Variants in VPS8 observed in about 807,000 individuals in gnomAD.
VPS8 encodes vacuolar protein sorting-associated protein 8 homolog.
In VPS8, 129 loss-of-function variants were observed where a neutral mutation model predicts 216.4. The observed-to-expected ratio is 0.60, with a 90% CI of 0.52 to 0.69. The LOEUF (loss-of-function observed/expected upper bound fraction) is 0.69. Among genes scored for constraint, VPS8 ranks in the 30% least tolerant of loss-of-function variants. The pLI is 0.00. For missense variants in VPS8, 1,531 were observed against 1,683.5 expected (o/e 0.91, Z 1.59); for synonymous variants, 571 against 565.4 (o/e 1.01, Z -0.14).
chr3:185,030,931 T>G (rs1758030446), intron 46 of VPS8, among the ~76,000 whole-genome samples: 1 of 149,410 alleles, frequency 6.7e-6, no homozygotes, highest in Non-Finnish European at 1.5e-5. Context: ...CCTGGCTGAT[T>G]TTTTTTTTTG....
intron 45 of VPS8, among the ~76,000 whole-genome samples, chr3:185,007,231 G>T (rs1449023043): frequency 6.6e-6 from 1 of 152,158 alleles, no homozygotes; most frequent in Admixed American, 6.5e-5. Context: ...AATAGGCCTT[G>T]TAACTCTATC....
intron 25 of VPS8, among the ~76,000 whole-genome samples, chr3:184,903,428 T>C (rs1734926021): frequency 6.6e-6 from 1 of 152,208 alleles, no homozygotes; most frequent in African/African-American, 2.4e-5. Context: ...GAATGTGGTA[T>C]GTTTTTCTAT....
intron 2 of VPS8, among the ~76,000 whole-genome samples, chr3:184,825,308 G>A (rs889105277): frequency 6.6e-6 from 1 of 152,192 alleles, no homozygotes; most frequent in South Asian, 2.1e-4. Context: ...ACACTGGCAT[G>A]CAGCTATGTA....
chr3:184,882,608 T>C (rs1410784023), intron 21 of VPS8, among the ~76,000 whole-genome samples: 1 of 152,088 alleles, frequency 6.6e-6, no homozygotes, highest in Non-Finnish European at 1.5e-5. Flanking sequence ...TCCTTTTCTG[T>C]TTTGTGGAAG....
At chr3:184,988,247 G>A (rs147637272) in intron 42 of VPS8, among the ~76,000 whole-genome samples, 1,665 of 152,228 alleles carry the variant, frequency 0.011, 32 homozygotes, top group African/African-American at 0.037. Flanking sequence ...CCAAACTCAA[G>A]GTTACCCAGA....
rs186015852 is a variant in VPS8 at position 184,920,156 on chromosome 3, A to G, written c.2412A>G (p.Gln804=). ...LTFEDFKNDK[Q]AVEYQQRIVD... ...TTGAAGATTTTAAAAATGACAAGCA[A>G]GCTGTGGAATATCAACAGCGAATTG... Residue 804 remains glutamine (Q), a synonymous_variant, in exon 29 of 48, where the codon CAA becomes CAG. Transcript: ENST00000625842. 3,847 of 1,526,288 alleles carry G rather than the reference A, an allele frequency of 2.5e-3. 5 individuals carry two copies. The highest frequency in any genetic ancestry group is 3.4e-3 in the Admixed American group (156 of 45,710). 94.5% of individuals were successfully genotyped at this position (1,526,288 alleles called of 1,614,324 possible).
intron 38 of VPS8, 59 bp downstream of exon 38, chr3:184,964,616 A>T: frequency 8.9e-7 from 1 of 1,121,798 alleles, no homozygotes; most frequent in Non-Finnish European, 1.2e-6. Context: ...TTCATTCATG[A>T]ATCCATCTTA....
At chr3:184,839,350 G>A (rs948042887) in intron 6 of VPS8, 3 of 231,340 alleles carry the variant, frequency 1.3e-5, no homozygotes, top group Admixed American at 5.6e-5. Flanking sequence ...CCCATGCCTC[G>A]TAGGAAGCTC....
At chr3:184,936,741 TC>T (rs1423244634) in intron 35 of VPS8, among the ~76,000 whole-genome samples, 1 of 151,432 alleles carries the variant, frequency 6.6e-6, no homozygotes, top group African/African-American at 2.4e-5. Flanking sequence ...AACCCCGTTT[TC>T]TTTTTTTTTT....
At chr3:184,903,260 T>C (rs1734893776) in intron 25 of VPS8, among the ~76,000 whole-genome samples, 1 of 152,184 alleles carries the variant, frequency 6.6e-6, no homozygotes, top group South Asian at 2.1e-4. Context: ...AATTGGTTTA[T>C]CTAGTACAGA....
At chr3:184,882,454 T>C (rs1463349863) in intron 21 of VPS8, 3 of 437,860 alleles carry the variant, frequency 6.9e-6, no homozygotes, top group Non-Finnish European at 9.1e-6. Flanking sequence ...TTTTATGTAA[T>C]TGTGAATTAT....
chr3:185,020,637 A>G (rs1244361279), intron 45 of VPS8, among the ~76,000 whole-genome samples: 5 of 152,094 alleles, frequency 3.3e-5, no homozygotes, highest in Admixed American at 2.6e-4. Context: ...CTCCAGGCTA[A>G]TTTTTAAATT....
At chr3:184,817,845 T>C (rs1305696626) in intron 1 of VPS8, among the ~76,000 whole-genome samples, 1 of 152,208 alleles carries the variant, frequency 6.6e-6, no homozygotes, top group Non-Finnish European at 1.5e-5. Flanking sequence ...CCCATTTTTA[T>C]TATATAGCTG....
At chr3:184,938,893 G>A (rs1742139698) in intron 35 of VPS8, among the ~76,000 whole-genome samples, 1 of 151,810 alleles carries the variant, frequency 6.6e-6, no homozygotes, top group African/African-American at 2.4e-5. Context: ...AGCTGGACAT[G>A]GTGGTGGGTG....
At chr3:185,040,733 A>G (rs1302650373) in intron 46 of VPS8, among the ~76,000 whole-genome samples, 1 of 152,180 alleles carries the variant, frequency 6.6e-6, no homozygotes, top group Non-Finnish European at 1.5e-5. Context: ...ACATACTGAT[A>G]TCAAACTCCC....
chr3:184,843,323 A>T, intron 8 of VPS8, 78 bp downstream of exon 8: 1 of 1,096,930 alleles, frequency 9.1e-7, no homozygotes, highest in Non-Finnish European at 1.2e-6. Flanking sequence ...TACCAATTAT[A>T]GTCAATGTCC....
intron 27 of VPS8, 116 bp downstream of exon 27, chr3:184,915,169 A>G: frequency 7.3e-7 from 1 of 1,369,672 alleles, no homozygotes; most frequent in Non-Finnish European, 1.0e-6. Context: ...GTTGCAGGAG[A>G]GAGCTTACAC....
At chr3:184,813,882 G>C (rs1157262477) in intron 1 of VPS8, 1 of 152,160 alleles carries the variant, frequency 6.6e-6, no homozygotes, top group Non-Finnish European at 1.5e-5. Context: ...GTTTAACTTT[G>C]GATCTATTGA....
chr3:184,951,211 C>A (rs1744641636), intron 36 of VPS8, among the ~76,000 whole-genome samples: 1 of 152,120 alleles, frequency 6.6e-6, no homozygotes, highest in South Asian at 2.1e-4. Context: ...GTGGGCTAGA[C>A]ATGGTGACTC....
Sources: allele counts gnomAD v4.1 joint callset (sites outside exome capture counted in the v4.1 genomes callset), GRCh38; gene constraint gnomAD v4.1.1; transcripts MANE v1.5; gene names NCBI Gene and HGNC (gene_info 2026-07-23, HGNC 2026-07-21).